The following ZNF91 variants were observed in gnomAD, a reference collection of about 807,000 sequenced individuals.
The protein encoded by ZNF91 is zinc finger protein 91, also known as zinc finger protein 91 (HPF7, HTF10).
Under a neutral mutation model 12.6 loss-of-function variants are expected in ZNF91, and 7 were observed. The observed-to-expected ratio is 0.55, with a 90% CI of 0.31 to 1.04. The LOEUF is 1.04. Among genes scored for constraint, ZNF91 ranks in the 50% least tolerant of loss-of-function variants. ZNF91 has a pLI of 0.05. For missense variants in ZNF91, 1,217 were observed against 1,385.4 expected, an observed-to-expected ratio of 0.88 and a Z score of 1.93; for synonymous variants, 453 against 462.6, an observed-to-expected ratio of 0.98 and a Z score of 0.27.
intron 2 of ZNF91, 31 bp from the exon 3 acceptor site, chr19:23,373,868 T>G: frequency 6.6e-7 from 1 of 1,522,184 alleles, no homozygotes; most frequent in Non-Finnish European, 9.0e-7. Context: ...AACATGAGTC[T>G]TGCTCATATT....
chr19:23,375,311 C>T (rs567823702), intron 1 of ZNF91, among the ~76,000 whole-genome samples: 8 of 152,178 alleles, frequency 5.3e-5, no homozygotes, highest in Admixed American at 2.6e-4. Flanking sequence ...AGGTGCCCAC[C>T]ACCACGCCCG....
intron 1 of ZNF91, among the ~76,000 whole-genome samples, chr19:23,319,901 C>A (rs1452616577): frequency 6.6e-6 from 1 of 152,124 alleles, no homozygotes; most frequent in Non-Finnish European, 1.5e-5. Context: ...TATAGCAAGG[C>A]TCAGGGAAAA....
chr19:23,330,167 C>T (rs1816639), intron 1 of ZNF91, among the ~76,000 whole-genome samples: 28,610 of 151,838 alleles, frequency 0.19, 2,914 homozygotes, highest in Non-Finnish European at 0.21. Context: ...CTCGCCTCTA[C>T]TAAATATATA....
chr19:23,352,988 T>G (rs763945641), downstream of ZNF91, among the ~76,000 whole-genome samples: 3 of 152,112 alleles, frequency 2.0e-5, no homozygotes, highest in Admixed American at 1.3e-4. Flanking sequence ...AGAAACAAGA[T>G]AGACAGCAAC....
chr19:23,359,965 T>C lies in ZNF91; in HGVS notation c.3014A>G (p.Gln1005Arg). 3 of 1,612,034 alleles carry C rather than the reference T, an allele frequency of 1.9e-6. No individual in the cohort carries two copies. Among genetic ancestry groups the C allele is most frequent in the Non-Finnish European group, 2.5e-6 (3 of 1,179,238 alleles). Residue 1005 changes from glutamine (Q) to arginine (R), a missense_variant, in exon 4 of 4, where the codon CAA (glutamine) becomes CGA (arginine). Around this residue, in one of 2 missense-constraint regions of ZNF91, gnomAD observed 491 missense variants for 489.8 expected, o/e 1.00. Coordinates refer to ENST00000300619, the MANE Select transcript of ZNF91 (RefSeq NM_003430.4). The stretch of plus-strand genomic sequence containing the variant: ...CGTATGTCTAGTTAGGGTTGAGGAT[T>C]GGCTAAATGCTTTGCCACATTCTTC... Reference protein sequence around the residue: ...KCEECGKAFSQSSTLTRHTRM... With the variant: ...KCEECGKAFSRSSTLTRHTRM...
chr19:23,369,367 C>T (rs867183254), intron 3 of ZNF91, among the ~76,000 whole-genome samples: 28 of 151,412 alleles, frequency 1.8e-4, no homozygotes, highest in African/African-American at 6.5e-4. Context: ...CCCGGCCAGC[C>T]GCCCCGTCCG....
intron 1 of ZNF91, chr19:23,324,532 T>TAC (rs1491022765): frequency 2.0e-5 from 3 of 148,728 alleles, no homozygotes; most frequent in African/African-American, 7.5e-5. Flanking sequence ...TATATATATA[T>TAC]ACGTATATAC....
intron 3 of ZNF91, chr19:23,342,227 C>A: frequency 1.8e-6 from 1 of 543,568 alleles, no homozygotes; most frequent in South Asian, 2.6e-5. Flanking sequence ...TTTATTTGCT[C>A]AAAGCAGGAT....
downstream of ZNF91, among the ~76,000 whole-genome samples, chr19:23,335,653 C>T (rs1051771801): frequency 2.0e-5 from 3 of 152,166 alleles, no homozygotes; most frequent in South Asian, 2.1e-4. Flanking sequence ...CCTGGTGTGC[C>T]GTTTGCTAAG....
At chr19:23,375,285 G>A (rs113277437) in intron 1 of ZNF91, among the ~76,000 whole-genome samples, 2 of 151,840 alleles carry the variant, frequency 1.3e-5, no homozygotes, top group African/African-American at 4.8e-5. Context: ...TCAGCCTCCC[G>A]AGTAGCAGGG....
intron 1 of ZNF91, chr19:23,326,751 C>T (rs1274535524): frequency 6.6e-6 from 1 of 152,170 alleles, no homozygotes. Flanking sequence ...TATAAACTAA[C>T]AACTTTGGCA....
At chr19:23,334,449 A>C (rs1443012212), downstream of ZNF91, among the ~76,000 whole-genome samples, 3 of 152,228 alleles carry the variant, frequency 2.0e-5, no homozygotes, top group Non-Finnish European at 1.5e-5. Context: ...GTGCAGTGCA[A>C]ACTTGTAATT....
intron 3 of ZNF91, among the ~76,000 whole-genome samples, chr19:23,372,052 G>A (rs1031703837): frequency 2.0e-5 from 3 of 152,118 alleles, no homozygotes; most frequent in Non-Finnish European, 4.4e-5. Flanking sequence ...GCTGACAAAA[G>A]TGGCTGAAAA....
At chr19:23,334,088 A>C (rs1254639080), downstream of ZNF91, among the ~76,000 whole-genome samples, 2 of 152,208 alleles carry the variant, frequency 1.3e-5, no homozygotes, top group African/African-American at 2.4e-5. Context: ...TCAAATGTAC[A>C]TGTTTTCCAT....
chr19:23,343,223 G>T (rs1249318903), intron 3 of ZNF91, among the ~76,000 whole-genome samples: 2 of 152,124 alleles, frequency 1.3e-5, no homozygotes, highest in Non-Finnish European at 2.9e-5. Flanking sequence ...TAAGTTAGAA[G>T]GTACCTCTCC....
intron 3 of ZNF91, among the ~76,000 whole-genome samples, chr19:23,368,264 C>A (rs1969097345): frequency 6.6e-6 from 1 of 151,974 alleles, no homozygotes; most frequent in Non-Finnish European, 1.5e-5. Context: ...GTAATCCCAG[C>A]ACTTTGGGAG....
At chr19:23,382,049 C>CAAAAAAAAAAAAAAAAAAAAAA (rs60814223) in intron 1 of ZNF91, among the ~76,000 whole-genome samples, 5 of 79,400 alleles carry the variant, frequency 6.3e-5, no homozygotes, top group Admixed American at 1.4e-4. Flanking sequence ...AATCCTGAGA[C>CAAAAAAAAAAAAAAAAAAAAAA]AAAAAAAAAA....
Position 23,359,253 on chromosome 19 carries a change from C to T in ZNF91, c.*150G>A, listed in dbSNP as rs894609060. The T allele has an allele frequency of 5.8e-5, 23 of 397,206 alleles. No individual in the cohort carries two copies. The highest frequency in any genetic ancestry group is 3.1e-4 in the South Asian group (11 of 35,528). 24.6% of individuals were successfully genotyped at this position (397,206 alleles called of 1,614,324 possible). The stretch of plus-strand genomic sequence containing the variant: ...TTTTTTTTTTTTTGAGACGGAGTCT[C>T]GCTCTGTCGCCCAGGCTTGAGTGCA... On this transcript the variant is annotated 3_prime_UTR_variant, in exon 4 of 4. Coordinates refer to ENST00000300619, the MANE Select transcript of ZNF91 (RefSeq NM_003430.4).
Position 23,360,190 on chromosome 19 carries a change from C to T in ZNF91, c.2789G>A (p.Arg930Lys). The change falls in exon 4 of 4, where the codon AGG (arginine) becomes AAG (lysine). Residue 930 changes from arginine to lysine, a missense_variant. By Grantham distance (26) the Arg-to-Lys change is conservative. Around this residue, in one of 2 missense-constraint regions of ZNF91, gnomAD observed 491 missense variants for 489.8 expected, o/e 1.00. Coordinates refer to ENST00000300619, the MANE Select transcript of ZNF91 (RefSeq NM_003430.4). Reference sequence around the variant, plus strand: ...GTAGGGTTTCTCTCCAGTGTGCATCCTCTTATGTGTAGTAAGGTGTGAAGG... The same window carrying T: ...GTAGGGTTTCTCTCCAGTGTGCATCTTCTTATGTGTAGTAAGGTGTGAAGG... ...SQPSHLTTHKRMHTGEKPYKC... is the reference protein window; with the variant it reads ...SQPSHLTTHKKMHTGEKPYKC... The T allele has an allele frequency of 1.2e-6, 2 of 1,612,252 alleles. No homozygotes were observed. The highest frequency in any genetic ancestry group is 1.7e-6 in the Non-Finnish European group (2 of 1,179,678).
Sources: allele counts gnomAD v4.1 joint callset (sites outside exome capture counted in the v4.1 genomes callset), GRCh38; gene constraint gnomAD v4.1.1; regional missense constraint gnomAD v4.1.1; transcripts MANE v1.5; gene names NCBI Gene and HGNC (gene_info 2026-07-23, HGNC 2026-07-21).